Variants in SUSD4 observed in about 807,000 individuals in gnomAD.
SUSD4 encodes the protein sushi domain-containing protein 4.
In SUSD4, 41 loss-of-function variants were observed where a neutral mutation model predicts 50.5. That is an observed-to-expected ratio of 0.81 (90% confidence interval 0.63 to 1.05). The LOEUF is 1.05. SUSD4 is among the 50% of genes least tolerant of loss of function. SUSD4 has a pLI of 0.00. For missense variants in SUSD4, 580 were observed against 634.7 expected, an observed-to-expected ratio of 0.91 and a Z score of 0.93; for synonymous variants, 257 against 257.3, an observed-to-expected ratio of 1.00 and a Z score of 0.01.
chr1:223,312,376 C>T (rs576821004), intron 2 of SUSD4, among the ~76,000 whole-genome samples: 2 of 152,248 alleles, frequency 1.3e-5, no homozygotes, highest in South Asian at 4.1e-4. Flanking sequence ...TGATCTGTAT[C>T]AAATCACTCA....
At chr1:223,295,391 T>A (rs1408648527) in intron 2 of SUSD4, among the ~76,000 whole-genome samples, 1 of 152,194 alleles carries the variant, frequency 6.6e-6, no homozygotes. Flanking sequence ...AGTCATTCTC[T>A]CTCATACTAT....
intron 2 of SUSD4, among the ~76,000 whole-genome samples, chr1:223,321,366 T>A (rs1312591996): frequency 6.6e-6 from 1 of 152,242 alleles, no homozygotes; most frequent in East Asian, 1.9e-4. Context: ...CTCAGTTTTC[T>A]CATCTATAAA....
Position 223,227,857 on chromosome 1 carries a change from G to A in SUSD4, c.917-119C>T. The A allele has an allele frequency of 1.5e-6, 2 of 1,313,440 alleles. No individual in the cohort carries two copies. Among genetic ancestry groups the A allele is most frequent in the Non-Finnish European group, 2.1e-6 (2 of 966,122 alleles). 81.4% of individuals were successfully genotyped at this position (1,313,440 alleles called of 1,614,324 possible). A position where few individuals can be genotyped will look rare whatever the true frequency, so the allele number is the denominator to read the frequency against. ...CAAGAGATGCGTGCAAGGTGCCTCT[G>A]ACCCCCAGGGCTCGGCAGAGATACC... is the stretch of plus-strand genomic sequence containing the variant. On this transcript the variant is annotated intron_variant, in intron 6 of 8. Coordinates refer to ENST00000366878, the MANE Select transcript of SUSD4 (RefSeq NM_017982.4). This position sits in a 1 kb window ranked among gnomAD's most constrained non-coding sequence, Gnocchi z 4.5.
rs969044489 is a variant in SUSD4 at position 223,229,124 on chromosome 1, T to C, written c.916+73A>G. The C allele has an allele frequency of 2.8e-6, 4 of 1,451,206 alleles. No homozygotes were observed. The highest frequency in any genetic ancestry group is 1.4e-5 in the South Asian group (1 of 73,316). The allele number at this position is 1,451,206 out of a possible 1,614,324, so 89.9% of individuals were successfully genotyped here. A position where few individuals can be genotyped will look rare whatever the true frequency, so the allele number is the denominator to read the frequency against. ...GGGAGGAGAGATACAGCTTGGTACATAACCACCACCCACTATGTGCAGATG... is the reference window on the plus strand; with the variant it reads ...GGGAGGAGAGATACAGCTTGGTACACAACCACCACCCACTATGTGCAGATG... On this transcript the variant is annotated intron_variant, in intron 6 of 8. Coordinates refer to ENST00000366878, the MANE Select transcript of SUSD4 (RefSeq NM_017982.4). The surrounding 1 kb of genome is among the most constrained non-coding windows in gnomAD (Gnocchi z 4.7).
rs191876269 is a variant in SUSD4 at position 223,251,821 on chromosome 1, T to C, written c.724+12809A>G. 8.2e-3 allele frequency among the ~76,000 whole-genome samples: 1,250 copies of C among 152,168 alleles called. 18 individuals are homozygous for C. Among genetic ancestry groups the C allele is most frequent in the African/African-American group, 0.028 (1,157 of 41,504 alleles). On this transcript the variant is annotated intron_variant, in intron 5 of 8. Coordinates refer to ENST00000366878, the MANE Select transcript of SUSD4 (RefSeq NM_017982.4). ...TTTCTAGTTCTAGGTCCCTGAGGAA[T>C]TGCCACACTGTCTTCCACAATGGTT...
chr1:223,312,529 C>T (rs948761870), intron 2 of SUSD4, among the ~76,000 whole-genome samples: 2 of 152,066 alleles, frequency 1.3e-5, no homozygotes, highest in Admixed American at 6.6e-5. Flanking sequence ...GCCTCATGAC[C>T]GTATCTAAAA....
chr1:223,295,798 T>C (rs1571999646), intron 2 of SUSD4, among the ~76,000 whole-genome samples: 1 of 150,076 alleles, frequency 6.7e-6, no homozygotes, highest in South Asian at 2.1e-4. Context: ...CATATGTAAC[T>C]AACCTGCACT....
intron 2 of SUSD4, among the ~76,000 whole-genome samples, chr1:223,363,001 T>C (rs1226610561): frequency 2.1e-5 from 3 of 140,246 alleles, no homozygotes; most frequent in Non-Finnish European, 4.6e-5. Flanking sequence ...CAGGCTTTAT[T>C]GTCTTTCCTT....
chr1:223,252,169 G>T (rs1373747473), intron 5 of SUSD4, among the ~76,000 whole-genome samples: 1 of 145,920 alleles, frequency 6.9e-6, no homozygotes, highest in Non-Finnish European at 1.5e-5. Flanking sequence ...GTATACATAT[G>T]TAACAAACCT....
At chr1:223,271,282 G>A (rs1243703350) in intron 3 of SUSD4, among the ~76,000 whole-genome samples, 1 of 152,204 alleles carries the variant, frequency 6.6e-6, no homozygotes, top group Non-Finnish European at 1.5e-5. Context: ...TTGGCTGGCT[G>A]GGAGCAGAAG....
intron 3 of SUSD4, among the ~76,000 whole-genome samples, chr1:223,285,852 C>T (rs778588000): frequency 6.1e-4 from 93 of 152,010 alleles, no homozygotes; most frequent in African/African-American, 1.1e-3. Context: ...GGGTGGAGAG[C>T]GGGAGAGAGG....
chr1:223,313,411 T>G (rs66867621), intron 2 of SUSD4, among the ~76,000 whole-genome samples: 80,711 of 152,014 alleles, frequency 0.53, 21,483 homozygotes, highest in African/African-American at 0.57. Flanking sequence ...GATTTGCATT[T>G]GGGACCCTCC....
intron 3 of SUSD4, among the ~76,000 whole-genome samples, chr1:223,275,431 C>A (rs1663189144): frequency 6.6e-6 from 1 of 152,144 alleles, no homozygotes; most frequent in African/African-American, 2.4e-5. Context: ...AGTTCAACAA[C>A]AAGGAAGTGA....
chr1:223,289,074 A>G (rs1395303570), intron 3 of SUSD4: 2 of 984,734 alleles, frequency 2.0e-6, no homozygotes, highest in Admixed American at 1.2e-4. Flanking sequence ...TTTGGAAAGG[A>G]AGCGGCCAGA....
At chr1:223,225,646 C>A (rs2102992164) in intron 7 of SUSD4, among the ~76,000 whole-genome samples, 1 of 152,318 alleles carries the variant, frequency 6.6e-6, no homozygotes, top group East Asian at 1.9e-4. Flanking sequence ...CTTGTGCTGG[C>A]CTCCTCTTCT....
chr1:223,280,140 T>C (rs1433192691), intron 3 of SUSD4, among the ~76,000 whole-genome samples: 2 of 151,918 alleles, frequency 1.3e-5, no homozygotes, highest in South Asian at 2.1e-4. Context: ...ACATGAAAAA[T>C]TGTAAAGACC....
chr1:223,364,515 G>A (rs1234628051), upstream of SUSD4, among the ~76,000 whole-genome samples: 1 of 149,596 alleles, frequency 6.7e-6, no homozygotes, highest in African/African-American at 2.4e-5. This position sits in a 1 kb window ranked among gnomAD's most constrained non-coding sequence, Gnocchi z 4.5. Flanking sequence ...AAGCCCGCGC[G>A]CCTGCACCTG....
intron 5 of SUSD4, chr1:223,235,148 T>C: frequency 6.5e-7 from 1 of 1,538,312 alleles, no homozygotes; most frequent in Non-Finnish European, 8.7e-7. Context: ...ACTATTTCTC[T>C]TGATTGAAAA....
chr1:223,361,517 A>G (rs1251907869), intron 2 of SUSD4, among the ~76,000 whole-genome samples: 1 of 152,122 alleles, frequency 6.6e-6, no homozygotes, highest in Non-Finnish European at 1.5e-5. Context: ...AAGACATGCT[A>G]TAGGAACCTC....
Sources: allele counts gnomAD v4.1 joint callset (sites outside exome capture counted in the v4.1 genomes callset), GRCh38; gene constraint gnomAD v4.1.1; non-coding constraint Gnocchi (gnomAD v3.1); transcripts MANE v1.5; gene names NCBI Gene and HGNC (gene_info 2026-07-23, HGNC 2026-07-21).